The following OR9Q1 variants were observed in gnomAD, a reference collection of about 807,000 sequenced individuals.
OR9Q1 encodes the protein olfactory receptor family 9 subfamily Q member 1, also known as olfactory receptor 9Q1.
For missense variants in OR9Q1, 374 were observed against 378.8 expected (o/e 0.99, Z 0.11); for synonymous variants, 153 against 148.6 (o/e 1.03, Z -0.22).
At chr11:58,027,414 T>C (rs1324452117) in intron 1 of OR9Q1, among the ~76,000 whole-genome samples, 1 of 152,194 alleles carries the variant, frequency 6.6e-6, no homozygotes, top group African/African-American at 2.4e-5. Flanking sequence ...AAATCCAGCT[T>C]GTAGCCTGTT....
At chr11:58,067,667 A>G (rs1590569037) in intron 2 of OR9Q1, among the ~76,000 whole-genome samples, 2 of 152,146 alleles carry the variant, frequency 1.3e-5, no homozygotes, top group Admixed American at 1.3e-4. Flanking sequence ...GCCTCCTCCA[A>G]CCTACTTTCC....
At chr11:58,055,309 A>G (rs1853316686) in intron 1 of OR9Q1, among the ~76,000 whole-genome samples, 1 of 152,176 alleles carries the variant, frequency 6.6e-6, no homozygotes, top group South Asian at 2.1e-4. Flanking sequence ...CTTATACTAC[A>G]TAAGCACCGA....
chr11:58,116,293 T>C (rs1853953702), intron 2 of OR9Q1, among the ~76,000 whole-genome samples: 1 of 152,200 alleles, frequency 6.6e-6, no homozygotes, highest in South Asian at 2.1e-4. Context: ...AGTTTTGTGC[T>C]ATTACAACAA....
chr11:58,048,816 A>T (rs1853248277), intron 1 of OR9Q1, among the ~76,000 whole-genome samples: 1 of 118,798 alleles, frequency 8.4e-6, no homozygotes, highest in African/African-American at 3.1e-5. Flanking sequence ...TACTACAAAC[A>T]CCTCTACGCA....
Position 58,179,866 on chromosome 11 carries a change from GCTTGAGT to G in OR9Q1, c.427_433del (p.Ser143TrpfsTer41), listed in dbSNP as rs760213947. 4 of 1,614,000 alleles carry G rather than the reference GCTTGAGT, an allele frequency of 2.5e-6. No individual in the cohort carries two copies. The African/African-American group carries it at 5.3e-5, about 22-fold the overall frequency. ...GTCACCATCCTGACACAGCAGGCCC[GCTTGAGT>G]CTTGTGGCTGGGGCTTACGTTGCTG... is the stretch of plus-strand genomic sequence containing the variant. On this transcript the variant is annotated frameshift_variant, in exon 3 of 3. Coordinates refer to ENST00000335397, the MANE Select transcript of OR9Q1 (RefSeq NM_001005212.4). LOFTEE classifies it low-confidence loss of function (END_TRUNC).
At chr11:58,088,290 A>C (rs1310882301) in intron 2 of OR9Q1, among the ~76,000 whole-genome samples, 1 of 151,982 alleles carries the variant, frequency 6.6e-6, no homozygotes, top group African/African-American at 2.4e-5. Context: ...ATATGTGTGC[A>C]TGTGTCTTTA....
In OR9Q1 at chr11:58,181,327, T is replaced by C. The variant is rs1459647942; in HGVS notation, c.*950T>C. On this transcript the variant is annotated 3_prime_UTR_variant, in exon 3 of 3. Transcript: ENST00000335397. ...AACATTGCTGCATTCCACATGGCGA[T>C]AGGCAGGAGGGTGGTCCTCGCCTAT... The C allele has an allele frequency of 6.0e-6, 1 of 167,022 alleles. No individual in the cohort carries two copies. The highest frequency in any genetic ancestry group is 1.9e-4 in the East Asian group (1 of 5,186). The allele number at this position is 167,022 out of a possible 1,614,324, so 10.3% of individuals were successfully genotyped here.
At chr11:58,164,561 AG>A (rs1458006582) in intron 2 of OR9Q1, among the ~76,000 whole-genome samples, 1 of 152,224 alleles carries the variant, frequency 6.6e-6, no homozygotes, top group Non-Finnish European at 1.5e-5. Context: ...GAAACTGATC[AG>A]GTTCACCTGG....
At chr11:58,076,431 CAGCCAGGGACTGA>C (rs1853539643) in intron 2 of OR9Q1, among the ~76,000 whole-genome samples, 1 of 152,148 alleles carries the variant, frequency 6.6e-6, no homozygotes, top group Non-Finnish European at 1.5e-5. Context: ...GGCTAGCTGT[CAGCCAGGGACTGA>C]CTTAGAAGCC....
intron 2 of OR9Q1, among the ~76,000 whole-genome samples, chr11:58,085,726 C>T (rs964406302): frequency 6.6e-6 from 1 of 151,718 alleles, no homozygotes; most frequent in Non-Finnish European, 1.5e-5. Flanking sequence ...AAATATAAAA[C>T]TAATAATCTT....
chr11:58,096,231 T>A lies in OR9Q1; in HGVS notation c.-15+40284T>A, dbSNP rs140273722. 8.1e-4 allele frequency among the ~76,000 whole-genome samples: 123 copies of A among 151,970 alleles called. 1 individual carries two copies. The highest frequency in any genetic ancestry group is 2.3e-3 in the African/African-American group (95 of 41,448). ...TGACAGCACTTTATTGAGGTATAAT[T>A]TACATACAGTAAAATACATTCATCT... On this transcript the variant is annotated intron_variant, in intron 2 of 2. Transcript: ENST00000335397.
chr11:58,178,190 A>G (rs578043404), intron 2 of OR9Q1, among the ~76,000 whole-genome samples: 1 of 152,338 alleles, frequency 6.6e-6, no homozygotes, highest in Non-Finnish European at 1.5e-5. Flanking sequence ...GAGTCAAAAT[A>G]TTATCCCATC....
At chr11:58,061,525 T>A (rs1590565031) in intron 2 of OR9Q1, among the ~76,000 whole-genome samples, 1 of 152,256 alleles carries the variant, frequency 6.6e-6, no homozygotes, top group African/African-American at 2.4e-5. Context: ...CAAGGTCACA[T>A]AATCAGTAAC....
intron 1 of OR9Q1, among the ~76,000 whole-genome samples, chr11:58,036,434 C>A (rs1853101481): frequency 6.6e-6 from 1 of 152,160 alleles, no homozygotes; most frequent in Non-Finnish European, 1.5e-5. Flanking sequence ...CATTCCATAG[C>A]CCATGGTACA....
At chr11:58,098,495 A>G (rs1853753255) in intron 2 of OR9Q1, among the ~76,000 whole-genome samples, 1 of 152,102 alleles carries the variant, frequency 6.6e-6, no homozygotes, top group Admixed American at 6.6e-5. Flanking sequence ...AAGGGACAAA[A>G]ATTAACTTTG....
chr11:58,167,705 G>T (rs960622559), intron 2 of OR9Q1, among the ~76,000 whole-genome samples: 2 of 152,174 alleles, frequency 1.3e-5, no homozygotes, highest in Non-Finnish European at 2.9e-5. Context: ...TTGCCTGGCT[G>T]CAGGTAGTCC....
intron 2 of OR9Q1, among the ~76,000 whole-genome samples, chr11:58,085,507 A>G (rs907630983): frequency 1.3e-5 from 2 of 151,822 alleles, no homozygotes; most frequent in African/African-American, 2.4e-5. Context: ...TCTATAAGTT[A>G]TTCATCTTGT....
chr11:58,089,023 C>G (rs1052839848), intron 2 of OR9Q1, among the ~76,000 whole-genome samples: 1 of 151,652 alleles, frequency 6.6e-6, no homozygotes, highest in Non-Finnish European at 1.5e-5. Flanking sequence ...ATTACAGGTG[C>G]CCGTCACCAG....
chr11:58,091,890 T>G (rs1444443182), intron 2 of OR9Q1, among the ~76,000 whole-genome samples: 4 of 152,214 alleles, frequency 2.6e-5, no homozygotes, highest in African/African-American at 9.6e-5. Flanking sequence ...TTTACCATTA[T>G]GTAATACCCT....
Sources: allele counts gnomAD v4.1 joint callset (sites outside exome capture counted in the v4.1 genomes callset), GRCh38; gene constraint gnomAD v4.1.1; transcripts MANE v1.5; gene names NCBI Gene and HGNC (gene_info 2026-07-23, HGNC 2026-07-21).